The following LYPLA1 variants were observed in gnomAD, a reference collection of about 807,000 sequenced individuals.
LYPLA1 encodes the protein acyl-protein thioesterase 1.
Under a neutral mutation model 34.0 loss-of-function variants are expected in LYPLA1, and 17 were observed. The ratio of observed to expected loss-of-function variants is 0.50; its 90% CI spans 0.34 to 0.75. The LOEUF (loss-of-function observed/expected upper bound fraction) is 0.75, where lower values mean the gene tolerates loss of function less well. Among genes scored for constraint, LYPLA1 ranks in the 30% least tolerant of loss-of-function variants. LYPLA1 has a pLI of 0.01. For synonymous variants in LYPLA1, 98 were observed against 100.8 expected (o/e 0.97, Z 0.17); for missense variants, 203 against 288.8 (o/e 0.70, Z 2.15).
At chr8:54,082,990 T>C (rs1175378423) in intron 2 of LYPLA1, among the ~76,000 whole-genome samples, 3 of 152,206 alleles carry the variant, frequency 2.0e-5, no homozygotes, top group Admixed American at 6.5e-5. Flanking sequence ...CTTCCCAAAG[T>C]GCTGGGATCA....
rs1034735562 is a variant in LYPLA1, at chr8:54,047,023, T to C, written c.*1042A>G. The C allele has an allele frequency of 1.3e-5, 2 of 152,156 alleles. No homozygotes were observed. The highest frequency in any genetic ancestry group is 1.3e-4 in the Admixed American group (2 of 15,272). 9.4% of individuals were successfully genotyped at this position (152,156 alleles called of 1,614,324 possible). A position where few individuals can be genotyped will look rare whatever the true frequency, so the allele number is the denominator to read the frequency against. ...TAGTTGGTTTCAAACGTGTACAAAG[T>C]AAACTCTATACTATGAGAAGATGAA... On this transcript the variant is annotated 3_prime_UTR_variant, in exon 9 of 9. Coordinates refer to ENST00000316963, the MANE Select transcript of LYPLA1 (RefSeq NM_006330.4).
chr8:54,053,367 T>C (rs1297982085), intron 6 of LYPLA1: 1 of 304,332 alleles, frequency 3.3e-6, no homozygotes. Context: ...GTGTTGGGAT[T>C]ACAGGTGTGA....
intron 2 of LYPLA1, among the ~76,000 whole-genome samples, chr8:54,079,594 G>T (rs941137377): frequency 6.6e-6 from 1 of 152,116 alleles, no homozygotes; most frequent in East Asian, 1.9e-4. Flanking sequence ...TTTGAGTCCA[G>T]GAGATTGAGA....
chr8:54,097,250 C>T (rs543607235), intron 2 of LYPLA1, among the ~76,000 whole-genome samples: 60 of 152,296 alleles, frequency 3.9e-4, no homozygotes, highest in Admixed American at 1.5e-3. Flanking sequence ...CATTAGTCTA[C>T]TGATGCGCGC....
In LYPLA1 at chr8:54,067,607, G is replaced by A. The variant is rs571022080; in HGVS notation, c.102-1794C>T. ...CTTATTTACATTTGGCCATATACTT[G>A]ATGCTTTTTACATATTATCTCTACT... On this transcript the variant is annotated intron_variant, in intron 2 of 8. Transcript: ENST00000316963. 5.9e-5 allele frequency among the ~76,000 whole-genome samples: 9 copies of A among 151,766 alleles called. 1 individual carries two copies. The highest frequency in any genetic ancestry group is 5.8e-4 in the East Asian group (3 of 5,174).
chr8:54,095,749 CTTTTTT>C (rs568630269), intron 2 of LYPLA1, among the ~76,000 whole-genome samples: 1 of 138,740 alleles, frequency 7.2e-6, no homozygotes, highest in African/African-American at 2.6e-5. Flanking sequence ...CTGGCTTACA[CTTTTTT>C]TTTTTTTTTT....
At chr8:54,084,399 C>T (rs1256091470) in intron 2 of LYPLA1, among the ~76,000 whole-genome samples, 2 of 151,684 alleles carry the variant, frequency 1.3e-5, no homozygotes, top group African/African-American at 4.9e-5. Flanking sequence ...GGTGAAACCC[C>T]ATCTCTACCC....
intron 6 of LYPLA1, chr8:54,053,699 G>T (rs1806006579): frequency 2.2e-6 from 1 of 456,280 alleles, no homozygotes; most frequent in Non-Finnish European, 4.4e-6. Context: ...AGCTGGAAAA[G>T]CTATAGGCTG....
chr8:54,045,121 G>C (rs965284725), downstream of LYPLA1, among the ~76,000 whole-genome samples: 1 of 152,158 alleles, frequency 6.6e-6, no homozygotes, highest in Non-Finnish European at 1.5e-5. Context: ...TCCTTCTCTA[G>C]AGTTTCCTCT....
intron 5 of LYPLA1, among the ~76,000 whole-genome samples, chr8:54,060,113 C>T (rs1010792314): frequency 8.3e-5 from 12 of 145,382 alleles, no homozygotes; most frequent in Non-Finnish European, 1.8e-4. Flanking sequence ...TTCCTGTGCA[C>T]CTGTGCATTT....
chr8:54,050,328 A>G (rs1465071034), intron 8 of LYPLA1, among the ~76,000 whole-genome samples: 1 of 152,198 alleles, frequency 6.6e-6, no homozygotes, highest in Non-Finnish European at 1.5e-5. Flanking sequence ...TACACCCCAC[A>G]TAATTAATCT....
intron 5 of LYPLA1, among the ~76,000 whole-genome samples, chr8:54,057,547 G>A (rs1806294531): frequency 6.6e-6 from 1 of 152,138 alleles, no homozygotes; most frequent in Non-Finnish European, 1.5e-5. Context: ...TATGTTAAGG[G>A]AAATAAGCCA....
chr8:54,089,673 A>T (rs1279065431), intron 2 of LYPLA1, among the ~76,000 whole-genome samples: 1 of 151,144 alleles, frequency 6.6e-6, no homozygotes, highest in Non-Finnish European at 1.5e-5. Flanking sequence ...CGCAAGCTGG[A>T]AGTGCAGTGG....
chr8:54,080,635 TG>T (rs1261024720), intron 2 of LYPLA1, among the ~76,000 whole-genome samples: 3 of 152,234 alleles, frequency 2.0e-5, no homozygotes, highest in Non-Finnish European at 4.4e-5. Flanking sequence ...TTGCCCAGGC[TG>T]GAGTGCAGTG....
Position 54,101,861 on chromosome 8 carries a change from C to G in LYPLA1, c.-38G>C, listed in dbSNP as rs755176594. On this transcript the variant is annotated 5_prime_UTR_variant, in exon 1 of 9. Transcript: ENST00000316963. ...CTCACAGCGCAAGCGGAAGGAAGAG[C>G]GGGCGCCCGGCCGCGGCCCAAGGGC... 1.8e-5 allele frequency: 22 copies of G among 1,202,222 alleles called. No individual in the cohort carries two copies. The highest frequency in any genetic ancestry group is 2.2e-5 in the Non-Finnish European group (21 of 954,618). The allele number at this position is 1,202,222 out of a possible 1,614,324, so 74.5% of individuals were successfully genotyped here.
At chr8:54,045,196 G>C (rs776939661), downstream of LYPLA1, among the ~76,000 whole-genome samples, 8 of 152,146 alleles carry the variant, frequency 5.3e-5, no homozygotes, top group Non-Finnish European at 1.0e-4. Flanking sequence ...GCTTAGTATA[G>C]TGCCCAGCAT....
intron 1 of LYPLA1, chr8:54,101,510 C>T: frequency 8.8e-7 from 1 of 1,132,278 alleles, no homozygotes; most frequent in African/African-American, 1.6e-5. Context: ...CGCGGGGGTC[C>T]CGGGGCCACA....
At chr8:54,084,880 A>G (rs567834723) in intron 2 of LYPLA1, among the ~76,000 whole-genome samples, 1 of 152,330 alleles carries the variant, frequency 6.6e-6, no homozygotes, top group East Asian at 1.9e-4. Context: ...CAAGGAATTG[A>G]ATCAGTAATC....
At chr8:54,057,198 G>T (rs1380068553) in intron 5 of LYPLA1, among the ~76,000 whole-genome samples, 1 of 152,092 alleles carries the variant, frequency 6.6e-6, no homozygotes, top group Non-Finnish European at 1.5e-5. Context: ...CAGTTTGGAG[G>T]TTCCTCAAAT....
Sources: allele counts gnomAD v4.1 joint callset (sites outside exome capture counted in the v4.1 genomes callset), GRCh38; gene constraint gnomAD v4.1.1; transcripts MANE v1.5; gene names NCBI Gene and HGNC (gene_info 2026-07-23, HGNC 2026-07-21).